Variants in ANXA11 observed in about 807,000 individuals in gnomAD.
ANXA11 encodes the protein annexin A11.
ANXA11 carries 57 observed loss-of-function variants against 64.7 expected under a neutral mutation model. The observed-to-expected ratio is 0.88, with a 90% confidence interval of 0.71 to 1.10. The LOEUF (loss-of-function observed/expected upper bound fraction) is 1.10. Among genes scored for constraint, ANXA11 ranks in the 50% least tolerant of loss-of-function variants. ANXA11 has a pLI of 0.00. For missense variants in ANXA11, 675 were observed against 670.7 expected, an observed-to-expected ratio of 1.01 and a Z score of -0.07; for synonymous variants, 260 against 265.2, an observed-to-expected ratio of 0.98 and a Z score of 0.19.
chr10:80,172,433 A>G (rs572174321), intron 3 of ANXA11, among the ~76,000 whole-genome samples: 1 of 152,202 alleles, frequency 6.6e-6, no homozygotes, highest in South Asian at 2.1e-4. Context: ...CTGCCTGCCT[A>G]TCTCATCAGT....
intron 1 of ANXA11, among the ~76,000 whole-genome samples, chr10:80,201,124 C>A (rs1378092918): frequency 6.6e-6 from 1 of 152,144 alleles, no homozygotes; most frequent in Non-Finnish European, 1.5e-5. Context: ...TCCTGCTACT[C>A]CTCACCCATT....
chr10:80,186,600 C>G (rs116263392), intron 1 of ANXA11, among the ~76,000 whole-genome samples: 2 of 152,164 alleles, frequency 1.3e-5, no homozygotes, highest in African/African-American at 4.8e-5. Context: ...GAGAGGGACC[C>G]GCAGAGGCAG....
chr10:80,188,159 C>T (rs762343553), intron 1 of ANXA11, among the ~76,000 whole-genome samples: 43 of 152,028 alleles, frequency 2.8e-4, no homozygotes, highest in Non-Finnish European at 1.5e-4. Flanking sequence ...AAACCAGCTC[C>T]CCCATCTTTT....
intron 8 of ANXA11, among the ~76,000 whole-genome samples, chr10:80,164,863 A>C (rs563756904): frequency 2.3e-3 from 353 of 152,368 alleles, no homozygotes; most frequent in Middle Eastern, 6.8e-3. Context: ...AGGGCCTGTC[A>C]GGCAGGACGT....
intron 5 of ANXA11, among the ~76,000 whole-genome samples, chr10:80,167,667 C>G (rs1017647051): frequency 2.0e-5 from 3 of 152,220 alleles, no homozygotes; most frequent in Non-Finnish European, 2.9e-5. Flanking sequence ...CTCATCGATG[C>G]CTGGCCTCCA....
At chr10:80,205,721 G>A (rs904246923), upstream of ANXA11, 28 of 152,244 alleles carry the variant, frequency 1.8e-4, no homozygotes, top group African/African-American at 6.5e-4. Context: ...AACCCCTGCG[G>A]CGCCCAGTGC....
rs1342412678 is a variant in ANXA11, at chr10:80,205,468, G to A, written c.-183C>T. 1 of 151,928 alleles carries A rather than the reference G, an allele frequency of 6.6e-6. No homozygotes were observed. Among genetic ancestry groups the A allele is most frequent in the Non-Finnish European group, 1.5e-5 (1 of 67,938 alleles). 9.4% of individuals were successfully genotyped at this position (151,928 alleles called of 1,614,324 possible). On this transcript the variant is annotated 5_prime_UTR_variant, in exon 1 of 16. Coordinates refer to ENST00000422982, the MANE Select transcript of ANXA11 (RefSeq NM_145868.2). ...GGCTGGGTCCCACTCCCGCTCGCGG[G>A]GCCCGCGGGGCACTCGGGGCACTGG... is the stretch of plus-strand genomic sequence containing the variant.
In ANXA11 at chr10:80,163,573, T is replaced by A. The variant is rs1246495398; in HGVS notation, c.990A>T (p.Thr330=). ...KTLEEAIRSD[T]SGHFQRLLIS... is the part of the protein sequence containing the mutation. ...TGAGGAGCCGCTGGAAGTGCCCTGA[T>A]GTGTCGCTTCGAATGGCCTCTTCCA... is the stretch of plus-strand genomic sequence containing the variant. Residue 330 remains threonine, a synonymous_variant, in exon 10 of 16, where the codon ACA becomes ACT. Coordinates refer to ENST00000422982, the MANE Select transcript of ANXA11 (RefSeq NM_145868.2). 16 of 1,570,646 alleles carry A rather than the reference T, an allele frequency of 1.0e-5. No individual in the cohort carries two copies. Among genetic ancestry groups the A allele is most frequent in the Non-Finnish European group, 1.4e-5 (16 of 1,157,342 alleles).
intron 12 of ANXA11, among the ~76,000 whole-genome samples, chr10:80,161,112 C>A (rs112844624): frequency 2.0e-5 from 3 of 152,148 alleles, no homozygotes; most frequent in Admixed American, 6.5e-5. Flanking sequence ...TGCTCAGGGC[C>A]CTCCACTGGC....
intron 1 of ANXA11, among the ~76,000 whole-genome samples, chr10:80,184,706 G>A (rs999564828): frequency 6.6e-6 from 1 of 152,180 alleles, no homozygotes; most frequent in Non-Finnish European, 1.5e-5. Flanking sequence ...GTATGAGCTT[G>A]GAATGCTTGA....
chr10:80,202,572 C>T (rs918140537), intron 1 of ANXA11, among the ~76,000 whole-genome samples: 1 of 152,148 alleles, frequency 6.6e-6, no homozygotes, highest in Non-Finnish European at 1.5e-5. Context: ...CTAGGTATCA[C>T]TCAAAATTCC....
At chr10:80,166,002 CTG>C (rs1478392585) in intron 8 of ANXA11, 80 bp downstream of exon 8, 13 of 810,198 alleles carry the variant, frequency 1.6e-5, no homozygotes, top group Non-Finnish European at 1.8e-5. Flanking sequence ...TCCTTCTGGG[CTG>C]TGTGTCCACA....
intron 1 of ANXA11, among the ~76,000 whole-genome samples, chr10:80,203,653 G>A (rs780460214): frequency 2.6e-5 from 4 of 152,186 alleles, no homozygotes; most frequent in South Asian, 2.1e-4. Flanking sequence ...AAGCCACACC[G>A]CCACACAAAT....
rs1441127645 is a variant in ANXA11, at chr10:80,187,768, G to C, written c.-57-11613C>G. ...CCTAGGAGGGACCAGCAAAACAATG[G>C]TAGTGAGCTGATGTCAATTGGGCAC... On this transcript the variant is annotated intron_variant, in intron 1 of 15. Transcript: ENST00000422982. Among the ~76,000 whole-genome samples the C allele has an allele frequency of 3.3e-5, 5 of 152,140 alleles. No individual in the cohort carries two copies. The East Asian group carries it at 9.7e-4, about 29-fold the overall frequency.
rs1845407637 is a variant in ANXA11, at chr10:80,159,171, G to A, written c.1205C>T (p.Thr402Ile). 6.2e-7 allele frequency: 1 copy of A among 1,614,082 alleles called. No individual in the cohort carries two copies. Among genetic ancestry groups the A allele is most frequent in the Non-Finnish European group, 8.5e-7 (1 of 1,179,976 alleles). ...VAVFNEYQRMTGRDIEKSICR... is the reference protein window; with the variant it reads ...VAVFNEYQRMIGRDIEKSICR... ...GATGCTCTTCTCAATGTCCCGGCCT[G>A]TCATTCTCTGGTACTCATTGAAAAC... The change falls in exon 13 of 16, where the codon ACA (threonine) becomes ATA (isoleucine). Residue 402 changes from threonine to isoleucine, a missense_variant. By Grantham distance (89) the Thr-to-Ile change is moderately conservative (BLOSUM62 -1). Coordinates refer to ENST00000422982, the MANE Select transcript of ANXA11 (RefSeq NM_145868.2).
rs554128528 is a variant in ANXA11, at chr10:80,166,075, C to T, written c.858+9G>A. 8.9e-6 allele frequency: 13 copies of T among 1,463,542 alleles called. No homozygotes were observed. The highest frequency in any genetic ancestry group is 1.7e-4 in the Middle Eastern group (1 of 5,772). 90.7% of individuals were successfully genotyped at this position (1,463,542 alleles called of 1,614,324 possible). A position where few individuals can be genotyped will look rare whatever the true frequency, so the allele number is the denominator to read the frequency against. On this transcript the variant is annotated intron_variant, in intron 8 of 15. Coordinates refer to ENST00000422982, the MANE Select transcript of ANXA11 (RefSeq NM_145868.2). ...ACACACACACACACACACACACACA[C>T]GTACACACCTTGATGGCTTCCTTTA...
At chr10:80,199,016 A>G (rs1249452564) in intron 1 of ANXA11, among the ~76,000 whole-genome samples, 1 of 152,166 alleles carries the variant, frequency 6.6e-6, no homozygotes, top group Non-Finnish European at 1.5e-5. Flanking sequence ...GCCTTCTGTC[A>G]ACCTCCATCC....
chr10:80,172,769 G>A (rs373193711), intron 3 of ANXA11, 38 bp downstream of exon 3: 5 of 1,598,590 alleles, frequency 3.1e-6, no homozygotes, highest in Non-Finnish European at 4.3e-6. Flanking sequence ...CTGTACAGAG[G>A]CAGCATTCAC....
In ANXA11 at chr10:80,165,192, C is replaced by T. The variant is rs145941741; in HGVS notation, c.858+892G>A. Among the ~76,000 whole-genome samples, 1,159 of 152,350 alleles carry T rather than the reference C, an allele frequency of 7.6e-3. 2 individuals carry two copies. Among genetic ancestry groups the T allele is most frequent in the Non-Finnish European group, 9.5e-3 (646 of 68,024 alleles). ...AATAACACATGTAGATGTGTTTCAG[C>T]GGAGACCCCTCTCCTTTCCAGGCCA... On this transcript the variant is annotated intron_variant, in intron 8 of 15. Transcript: ENST00000422982.
Sources: gnomAD v4.1 joint callset for allele counts (sites outside exome capture counted in the v4.1 genomes callset) on GRCh38, gnomAD v4.1.1 for gene constraint, MANE v1.5 for transcripts, NCBI Gene and HGNC (gene_info 2026-07-23, HGNC 2026-07-21) for gene names.